KLHL4: variants seen among roughly 807,000 people sequenced by gnomAD.
KLHL4 encodes the protein kelch-like protein 4.
In KLHL4, 17 loss-of-function variants were observed where a neutral mutation model predicts 45.8. The observed-to-expected ratio is 0.37, with a 90% CI of 0.25 to 0.56. KLHL4 has a LOEUF of 0.56. Among genes scored for constraint, KLHL4 ranks in the 20% least tolerant of loss-of-function variants. The probability of loss-of-function intolerance (pLI) is 0.79; values close to 1 mark genes in which losing one functional copy is unlikely to be tolerated. For synonymous variants in KLHL4, 224 were observed against 189.9 expected (o/e 1.18, Z -1.47); for missense variants, 544 against 544.9 (o/e 1.00, Z 0.02).
At chrX:87,578,009 T>C (rs1377724370) in intron 1 of KLHL4, among the ~76,000 whole-genome samples, 1 of 111,536 alleles carries the variant, frequency 9.0e-6, no homozygotes, top group African/African-American at 3.2e-5. Flanking sequence ...AATATATTCT[T>C]ACAAAAATTT....
In KLHL4 at chrX:87,633,662, T is replaced by A. The variant is rs773135033; in HGVS notation, c.1550-87T>A. 2.8e-3 allele frequency: 2,269 copies of A among 805,518 alleles called. 2 individuals are homozygous for A. The highest frequency in any genetic ancestry group is 3.5e-3 in the Non-Finnish European group (2,023 of 577,689). The allele number at this position is 805,518 out of a possible 1,213,427, so 66.4% of individuals were successfully genotyped here. ...TCGTTTAATAAGCAAAACAAAAAAA[T>A]TTAAGCAGTTAATTGCTTGCAAAAT... On this transcript the variant is annotated intron_variant, in intron 7 of 10. Coordinates refer to ENST00000373119, the MANE Select transcript of KLHL4 (RefSeq NM_019117.5).
At chrX:87,614,374 C>T (rs879189654) in intron 2 of KLHL4, 60 bp from the exon 3 acceptor site, 28 of 1,088,385 alleles carry the variant, frequency 2.6e-5, no homozygotes, top group Middle Eastern at 2.5e-4. Context: ...GAATCCATTT[C>T]ATGCTTTTCA....
chrX:87,637,337 C>G (rs1016263612), intron 9 of KLHL4, among the ~76,000 whole-genome samples: 8 of 111,800 alleles, frequency 7.2e-5, no homozygotes, highest in Non-Finnish European at 1.5e-4. Flanking sequence ...TGAACAGCAG[C>G]CCTTGAGTTC....
At chrX:87,640,574 A>AT (rs781372104) in intron 9 of KLHL4, among the ~76,000 whole-genome samples, 260 of 111,991 alleles carry the variant, frequency 2.3e-3, no homozygotes, top group Non-Finnish European at 3.7e-3. Context: ...TCATAAAAAT[A>AT]TTTTTTTAAA....
chrX:87,600,524 G>C (rs1278944171), intron 1 of KLHL4, among the ~76,000 whole-genome samples: 3 of 107,509 alleles, frequency 2.8e-5, no homozygotes, highest in African/African-American at 1.0e-4. Context: ...GCACCTCCCC[G>C]ACAACTCTTT....
chrX:87,662,253 C>T (rs1924211583), intron 9 of KLHL4, among the ~76,000 whole-genome samples: 2 of 110,734 alleles, frequency 1.8e-5, no homozygotes, highest in South Asian at 7.5e-4. Context: ...ATCACATGTA[C>T]CCCATAAATG....
intron 9 of KLHL4, among the ~76,000 whole-genome samples, chrX:87,659,986 G>A (rs905065062): frequency 1.8e-5 from 2 of 110,497 alleles, no homozygotes; most frequent in African/African-American, 3.3e-5. Flanking sequence ...GTGTGTGCAC[G>A]TGTGTGTATT....
chrX:87,646,903 C>T (rs924785933), intron 9 of KLHL4, among the ~76,000 whole-genome samples: 1 of 110,996 alleles, frequency 9.0e-6, no homozygotes, highest in African/African-American at 3.3e-5. Context: ...ATAGATGGGA[C>T]TTAACTAAAA....
chrX:87,520,144 A>C (rs1467050191), intron 1 of KLHL4, among the ~76,000 whole-genome samples: 1 of 112,207 alleles, frequency 8.9e-6, no homozygotes, highest in African/African-American at 3.2e-5. Context: ...GATCTTATTA[A>C]TTGAAATACG....
At chrX:87,608,913 TC>T (rs1922283360) in intron 1 of KLHL4, among the ~76,000 whole-genome samples, 1 of 109,728 alleles carries the variant, frequency 9.1e-6, no homozygotes, top group Non-Finnish European at 1.9e-5. Context: ...CCCTCCCTGC[TC>T]CCCCCACCCC....
At chrX:87,535,839 TAGTG>T (rs963886369) in intron 1 of KLHL4, among the ~76,000 whole-genome samples, 10 of 110,628 alleles carry the variant, frequency 9.0e-5, no homozygotes, top group African/African-American at 3.3e-4. Flanking sequence ...GTTCTCATGA[TAGTG>T]AGTGAGTCCT....
At chrX:87,663,992 G>A (rs185465651) in intron 9 of KLHL4, among the ~76,000 whole-genome samples, 1 of 111,148 alleles carries the variant, frequency 9.0e-6, no homozygotes, top group Non-Finnish European at 1.9e-5. Context: ...ATAAAGTCAG[G>A]GAGCATTTTT....
intron 1 of KLHL4, among the ~76,000 whole-genome samples, chrX:87,608,541 A>G (rs748880858): frequency 9.1e-6 from 1 of 110,347 alleles, no homozygotes; most frequent in South Asian, 4.0e-4. Flanking sequence ...TCTATAAAGG[A>G]ATACCTGATC....
At chrX:87,659,959 A>T (rs866142613) in intron 9 of KLHL4, among the ~76,000 whole-genome samples, 2 of 103,512 alleles carry the variant, frequency 1.9e-5, no homozygotes, top group Non-Finnish European at 3.9e-5. Flanking sequence ...TGCGCGTATG[A>T]GTGTGTGTGT....
intron 1 of KLHL4, among the ~76,000 whole-genome samples, chrX:87,541,490 C>CA (rs1491259195): frequency 0.22 from 14,221 of 63,622 alleles, 1,640 homozygotes; most frequent in Non-Finnish European, 0.26. Flanking sequence ...GACTCCATCT[C>CA]ACAAAAAAAA....
At chrX:87,624,333 T>C (rs1232715761) in intron 5 of KLHL4, among the ~76,000 whole-genome samples, 1 of 111,855 alleles carries the variant, frequency 8.9e-6, no homozygotes, top group African/African-American at 3.2e-5. Context: ...ATTTAAAAGG[T>C]GACCTTACAA....
At chrX:87,598,119 T>C (rs1921897232) in intron 1 of KLHL4, among the ~76,000 whole-genome samples, 1 of 110,927 alleles carries the variant, frequency 9.0e-6, no homozygotes, top group South Asian at 3.8e-4. Context: ...CCTAGCCTAG[T>C]AGGAATATTA....
At chrX:87,632,606 C>T (rs192062204) in intron 7 of KLHL4, among the ~76,000 whole-genome samples, 172 bp downstream of exon 7, 1 of 111,478 alleles carries the variant, frequency 9.0e-6, no homozygotes, top group African/African-American at 3.3e-5. Context: ...GTTATTGTTG[C>T]AGGTTACTCC....
chrX:87,652,371 C>T (rs754578687), intron 9 of KLHL4, among the ~76,000 whole-genome samples: 1 of 112,415 alleles, frequency 8.9e-6, no homozygotes, highest in South Asian at 3.7e-4. Context: ...AATTTTCTAT[C>T]ACATTGTCAG....
Sources: gnomAD v4.1 joint callset for allele counts (sites outside exome capture counted in the v4.1 genomes callset) on GRCh38, gnomAD v4.1.1 for gene constraint, MANE v1.5 for transcripts, NCBI Gene and HGNC (gene_info 2026-07-23, HGNC 2026-07-21) for gene names.